Variants in DENND5A observed in about 807,000 individuals in gnomAD.
DENND5A encodes DENN domain-containing protein 5A.
In DENND5A, 64 loss-of-function variants were observed where a neutral mutation model predicts 140.3. The observed-to-expected ratio is 0.46, with a 90% confidence interval of 0.37 to 0.56. The LOEUF (loss-of-function observed/expected upper bound fraction) is 0.56. DENND5A is among the 20% of genes least tolerant of loss of function. The pLI, the probability that DENND5A is intolerant of heterozygous loss-of-function variation, is 0.00. For synonymous variants in DENND5A, 605 were observed against 607.7 expected (o/e 1.00, Z 0.07); for missense variants, 1,292 against 1,593.8 (o/e 0.81, Z 3.22).
chr11:9,254,376 T>C (rs551799852), intron 1 of DENND5A, among the ~76,000 whole-genome samples: 1 of 152,162 alleles, frequency 6.6e-6, no homozygotes, highest in Admixed American at 6.6e-5. Context: ...ATTTAGCTTG[T>C]ATTTTAACTG....
chr11:9,141,909 C>A, intron 22 of DENND5A, 31 bp downstream of exon 22: 1 of 1,547,424 alleles, frequency 6.5e-7, no homozygotes, highest in African/African-American at 1.4e-5. Flanking sequence ...AGGCTAACCG[C>A]TGTGCACTCT....
intron 1 of DENND5A, among the ~76,000 whole-genome samples, chr11:9,243,763 G>A (rs180933091): frequency 1.6e-4 from 25 of 152,172 alleles, no homozygotes; most frequent in African/African-American, 5.8e-4. Context: ...GTGGGTGCCT[G>A]TGGTCCCAGC....
intron 1 of DENND5A, among the ~76,000 whole-genome samples, chr11:9,241,559 T>C (rs1206620274): frequency 1.3e-5 from 2 of 152,188 alleles, no homozygotes; most frequent in African/African-American, 4.8e-5. Flanking sequence ...TAAACAATTC[T>C]AATACATCAA....
Position 9,139,560 on chromosome 11 carries a change from G to T in DENND5A, c.*111C>A. On this transcript the variant is annotated 3_prime_UTR_variant, in exon 23 of 23. Transcript: ENST00000328194. The stretch of plus-strand genomic sequence containing the variant: ...TCCTCTAGTTTTCTTTTTACAGTGA[G>T]TGTACATTTTGTCTCCTACTCCTGC... 1 of 897,534 alleles carries T rather than the reference G, an allele frequency of 1.1e-6. No individual in the cohort carries two copies. The highest frequency in any genetic ancestry group is 1.7e-6 in the Non-Finnish European group (1 of 598,752). 55.6% of individuals were successfully genotyped at this position (897,534 alleles called of 1,614,324 possible).
intron 1 of DENND5A, among the ~76,000 whole-genome samples, chr11:9,208,847 G>A (rs753602184): frequency 5.6e-4 from 85 of 152,190 alleles, no homozygotes; most frequent in Non-Finnish European, 5.1e-4. Context: ...AAAATCAGCA[G>A]GCAGCTGGTA....
chr11:9,223,529 G>A (rs1850404576), intron 1 of DENND5A, among the ~76,000 whole-genome samples: 2 of 151,850 alleles, frequency 1.3e-5, no homozygotes, highest in South Asian at 4.2e-4. Flanking sequence ...AACAGAGCGA[G>A]ACTCCATCTC....
chr11:9,163,093 TCCA>T (rs1008632060), intron 11 of DENND5A, among the ~76,000 whole-genome samples: 7 of 152,188 alleles, frequency 4.6e-5, no homozygotes, highest in African/African-American at 1.7e-4. Context: ...TGTATAGCAT[TCCA>T]CCACATGAAT....
intron 5 of DENND5A, among the ~76,000 whole-genome samples, chr11:9,190,372 G>C (rs1590253214): frequency 6.6e-6 from 1 of 152,162 alleles, no homozygotes; most frequent in Admixed American, 6.5e-5. Context: ...CATGTGTTGT[G>C]TGAGGTACCC....
chr11:9,142,211 C>T (rs1847269664), intron 21 of DENND5A, 103 bp from the exon 22 acceptor site: 1 of 893,836 alleles, frequency 1.1e-6, no homozygotes, highest in Non-Finnish European at 1.7e-6. Flanking sequence ...ACACAGGTAA[C>T]TTAATGAGAA....
intron 12 of DENND5A, 26 bp from the exon 13 acceptor site, chr11:9,152,468 C>A: frequency 6.5e-7 from 1 of 1,532,902 alleles, no homozygotes; most frequent in Non-Finnish European, 9.0e-7. Context: ...GGGAGAAACA[C>A]CTATCAGTTT....
rs1190582360 is a variant in DENND5A at position 9,150,195 on chromosome 11, A to G, written c.2621T>C (p.Ile874Thr). ...TCCCACATCAGTCTTGATTTCCCCGATGTTCTGGATGTGCCTGGAGGAAGA... is the reference window on the plus strand; with the variant it reads ...TCCCACATCAGTCTTGATTTCCCCGGTGTTCTGGATGTGCCTGGAGGAAGA... ...LIQDMRHIQN[I>T]GEIKTDVGKA... The change falls in exon 15 of 23, where the codon ATC becomes ACC. Residue 874 changes from isoleucine to threonine, a missense_variant. Physicochemically the swap from Ile to Thr is moderately conservative, Grantham distance 89. Transcript: ENST00000328194. 1.2e-6 allele frequency: 2 copies of G among 1,613,562 alleles called. No individual in the cohort carries two copies. The highest frequency in any genetic ancestry group is 1.7e-6 in the Non-Finnish European group (2 of 1,179,684).
chr11:9,222,717 A>G (rs1850360818), intron 1 of DENND5A, among the ~76,000 whole-genome samples: 1 of 152,206 alleles, frequency 6.6e-6, no homozygotes, highest in African/African-American at 2.4e-5. Context: ...GCACCAACCA[A>G]TCAGAACAAA....
intron 5 of DENND5A, among the ~76,000 whole-genome samples, chr11:9,192,296 T>C (rs541018147): frequency 5.9e-5 from 9 of 152,258 alleles, no homozygotes; most frequent in African/African-American, 2.2e-4. Context: ...TGCTCTCTTC[T>C]TGGGGCCCCT....
intron 1 of DENND5A, among the ~76,000 whole-genome samples, chr11:9,227,338 AC>A (rs1348693548): frequency 6.6e-6 from 1 of 152,094 alleles, no homozygotes; most frequent in African/African-American, 2.4e-5. Flanking sequence ...CTAATCCATC[AC>A]TTTTCTATTG....
chr11:9,161,205 A>G (rs1247728563), intron 11 of DENND5A, among the ~76,000 whole-genome samples: 1 of 152,176 alleles, frequency 6.6e-6, no homozygotes, highest in African/African-American at 2.4e-5. Context: ...AAAATTAGCC[A>G]GGTGTGGTGG....
In DENND5A at chr11:9,141,304, G is replaced by A. The variant is rs575147027; in HGVS notation, c.3680+636C>T. 3.3e-5 allele frequency among the ~76,000 whole-genome samples: 5 copies of A among 152,262 alleles called. No individual in the cohort carries two copies. The South Asian group carries it at 1.0e-3, about 32-fold the overall frequency. On this transcript the variant is annotated intron_variant, in intron 22 of 22. Coordinates refer to ENST00000328194, the MANE Select transcript of DENND5A (RefSeq NM_015213.4). ...TTTCCTTTCAAAATGGGGCCCCTCT[G>A]CCCCGAGTTACATACACGTTGTCAT...
At chr11:9,189,463 C>A (rs1168574765) in intron 5 of DENND5A, among the ~76,000 whole-genome samples, 3 of 152,140 alleles carry the variant, frequency 2.0e-5, no homozygotes, top group Admixed American at 1.3e-4. Context: ...AATGGTAGAT[C>A]CACTGACAGC....
At chr11:9,178,786 T>C in intron 7 of DENND5A, 72 bp downstream of exon 7, 1 of 1,263,312 alleles carries the variant, frequency 7.9e-7, no homozygotes, top group Middle Eastern at 1.9e-4. Context: ...TCGAGTAATT[T>C]TCCATTACTT....
chr11:9,199,511 A>G (rs1849455321), intron 4 of DENND5A, among the ~76,000 whole-genome samples: 1 of 152,210 alleles, frequency 6.6e-6, no homozygotes, highest in Non-Finnish European at 1.5e-5. Context: ...AAAAGTAACA[A>G]TAATTTTTTA....
Sources: gnomAD v4.1 joint callset for allele counts (sites outside exome capture counted in the v4.1 genomes callset) on GRCh38, gnomAD v4.1.1 for gene constraint, MANE v1.5 for transcripts, NCBI Gene and HGNC (gene_info 2026-07-23, HGNC 2026-07-21) for gene names.